The following RARB variants were observed in gnomAD, a reference collection of about 807,000 sequenced individuals.
The protein encoded by RARB is retinoic acid receptor beta.
In RARB, 17 loss-of-function variants were observed where a neutral mutation model predicts 51.9. That is an observed-to-expected ratio of 0.33 (90% confidence interval 0.22 to 0.49). RARB has a LOEUF of 0.49. Ranked by LOEUF, RARB falls within the 20% of genes least tolerant of loss-of-function variation. The probability of loss-of-function intolerance (pLI) is 0.99; values close to 1 mark genes in which losing one functional copy is unlikely to be tolerated. For missense variants in RARB, 369 were observed against 550.8 expected (o/e 0.67, Z 3.30); for synonymous variants, 215 against 195.4 (o/e 1.10, Z -0.84).
At chr3:25,046,182 G>A (rs1447016898) in intron 2 of RARB, among the ~76,000 whole-genome samples, 4 of 152,184 alleles carry the variant, frequency 2.6e-5, no homozygotes, top group African/African-American at 9.7e-5. Context: ...AAAAACCGCT[G>A]GGCCTGTTGG....
At chr3:25,104,166 A>G (rs1455590818) in intron 3 of RARB, among the ~76,000 whole-genome samples, 1 of 152,216 alleles carries the variant, frequency 6.6e-6, no homozygotes, top group African/African-American at 2.4e-5. Context: ...AATTAAAACC[A>G]CAATGTGATT....
intron 1 of RARB, among the ~76,000 whole-genome samples, chr3:25,437,297 T>C (rs990821315): frequency 1.3e-5 from 2 of 152,146 alleles, no homozygotes; most frequent in African/African-American, 4.8e-5. Context: ...TGATTGACTT[T>C]TACAAGTGAG....
chr3:24,908,605 AG>A (rs1694919956), intron 2 of RARB, among the ~76,000 whole-genome samples: 1 of 151,638 alleles, frequency 6.6e-6, no homozygotes. Context: ...GTAAATGACT[AG>A]ATAAACATAA....
chr3:25,263,414 C>T (rs1238761245), intron 5 of RARB, among the ~76,000 whole-genome samples: 1 of 152,136 alleles, frequency 6.6e-6, no homozygotes, highest in African/African-American at 2.4e-5. Context: ...GTTAACTAGT[C>T]TATTTTGCCA....
At chr3:25,356,908 C>G (rs1705758922) in intron 5 of RARB, among the ~76,000 whole-genome samples, 1 of 152,144 alleles carries the variant, frequency 6.6e-6, no homozygotes. Flanking sequence ...TTTACCCAGT[C>G]TAACATTGAT....
intron 2 of RARB, among the ~76,000 whole-genome samples, chr3:24,939,009 G>A (rs9881889): frequency 0.033 from 4,932 of 150,550 alleles, 240 homozygotes; most frequent in African/African-American, 0.11. Context: ...TTTAGACAGA[G>A]TCTCACTCTG....
At chr3:24,914,800 A>G (rs903080860) in intron 2 of RARB, among the ~76,000 whole-genome samples, 2 of 152,168 alleles carry the variant, frequency 1.3e-5, no homozygotes, top group African/African-American at 4.8e-5. Context: ...GGAACTCGAG[A>G]TACAGAGGGT....
intron 5 of RARB, among the ~76,000 whole-genome samples, chr3:25,215,026 C>T (rs908901821): frequency 1.3e-5 from 2 of 152,106 alleles, no homozygotes; most frequent in African/African-American, 2.4e-5. Context: ...GGTGGAAAAT[C>T]GATGAAGACA....
intron 5 of RARB, among the ~76,000 whole-genome samples, chr3:25,410,831 C>G (rs1013223080): frequency 6.6e-6 from 1 of 152,226 alleles, no homozygotes; most frequent in African/African-American, 2.4e-5. Context: ...TCCCCTCCTT[C>G]CCTCCCAATT....
At chr3:25,508,012 G>T (rs1024406394) in intron 3 of RARB, among the ~76,000 whole-genome samples, 2 of 152,156 alleles carry the variant, frequency 1.3e-5, no homozygotes, top group African/African-American at 4.8e-5. Flanking sequence ...GAGCCTCTTT[G>T]TATTGCTCTT....
chr3:25,034,650 C>A (rs1697946312), intron 2 of RARB, among the ~76,000 whole-genome samples: 1 of 152,190 alleles, frequency 6.6e-6, no homozygotes, highest in Non-Finnish European at 1.5e-5. Context: ...ATGCCAGATA[C>A]AAAAAGCTCT....
At chr3:25,190,635 T>G (rs912888975) in intron 5 of RARB, among the ~76,000 whole-genome samples, 7 of 152,098 alleles carry the variant, frequency 4.6e-5, no homozygotes, top group African/African-American at 1.7e-4. Context: ...GGTTAATTAA[T>G]TCCAATCTGT....
chr3:25,311,490 A>G (rs1704288120), intron 5 of RARB, among the ~76,000 whole-genome samples: 1 of 152,194 alleles, frequency 6.6e-6, no homozygotes, highest in Non-Finnish European at 1.5e-5. Context: ...TTTGTCACAT[A>G]TTCTCTGTTT....
chr3:25,146,987 C>G (rs762990892), intron 4 of RARB, among the ~76,000 whole-genome samples: 3 of 152,034 alleles, frequency 2.0e-5, no homozygotes, highest in Non-Finnish European at 4.4e-5. Flanking sequence ...AATGCCTGGG[C>G]TATGTGCTCT....
chr3:25,218,889 C>A (rs1250887006), intron 5 of RARB, among the ~76,000 whole-genome samples: 5 of 152,208 alleles, frequency 3.3e-5, no homozygotes, highest in Non-Finnish European at 7.3e-5. Flanking sequence ...GCTACCCCAC[C>A]CTGGGCTTCC....
intron 2 of RARB, among the ~76,000 whole-genome samples, chr3:25,059,146 A>T (rs1026755684): frequency 6.6e-6 from 1 of 151,704 alleles, no homozygotes; most frequent in Non-Finnish European, 1.5e-5. Flanking sequence ...GATATTTTAC[A>T]TTTTCTATAA....
intron 2 of RARB, among the ~76,000 whole-genome samples, chr3:24,866,208 A>G (rs1398690844): frequency 1.3e-5 from 2 of 151,828 alleles, no homozygotes; most frequent in Admixed American, 1.3e-4. Context: ...TATGCTTTCC[A>G]TTTTACCAGT....
intron 2 of RARB, among the ~76,000 whole-genome samples, chr3:25,493,501 C>A (rs1696854497): frequency 6.6e-6 from 1 of 152,232 alleles, no homozygotes; most frequent in South Asian, 2.1e-4. Context: ...TGGGGTCACA[C>A]TGCACAGAGC....
At chr3:24,936,809 C>T (rs1293601114) in intron 2 of RARB, among the ~76,000 whole-genome samples, 4 of 152,146 alleles carry the variant, frequency 2.6e-5, no homozygotes, top group Admixed American at 1.3e-4. Context: ...TGTGTCATTT[C>T]CTTTCCTTTT....
Sources: allele counts gnomAD v4.1 joint callset (sites outside exome capture counted in the v4.1 genomes callset), GRCh38; gene constraint gnomAD v4.1.1; transcripts MANE v1.5; gene names NCBI Gene and HGNC (gene_info 2026-07-23, HGNC 2026-07-21).